KCNMA1: variants seen among roughly 807,000 people sequenced by gnomAD.
KCNMA1 encodes the protein Calcium-activated potassium channel subunit alpha-1.
Under a neutral mutation model 140.0 loss-of-function variants are expected in KCNMA1, and 29 were observed. The observed-to-expected ratio is 0.21, with a 90% CI of 0.15 to 0.28. KCNMA1 has a LOEUF of 0.28. Among genes scored for constraint, KCNMA1 ranks in the 10% least tolerant of loss-of-function variants. The probability of loss-of-function intolerance (pLI) is 1.00; values close to 1 mark genes in which losing one functional copy is unlikely to be tolerated. For missense variants in KCNMA1, 880 were observed against 1,602.2 expected, an observed-to-expected ratio of 0.55 and a Z score of 7.70; for synonymous variants, 612 against 611.9, an observed-to-expected ratio of 1.00 and a Z score of 0.00.
intron 2 of KCNMA1, chr10:77,355,253 C>T: frequency 6.3e-6 from 1 of 158,682 alleles, no homozygotes; most frequent in Non-Finnish European, 1.4e-5. Context: ...ACCTCTTTTT[C>T]TTCACAGTCT....
At chr10:76,940,041 G>C (rs1268911501) in intron 23 of KCNMA1, among the ~76,000 whole-genome samples, 4 of 152,242 alleles carry the variant, frequency 2.6e-5, no homozygotes, top group Non-Finnish European at 5.9e-5. Flanking sequence ...GCTGTAAAGT[G>C]GTTCTGAGCT....
chr10:77,034,828 T>C lies in KCNMA1; in HGVS notation c.1859+4700A>G, dbSNP rs76955895. On this transcript the variant is annotated intron_variant, in intron 15 of 27. Transcript: ENST00000286628. ...CATATTTTAAATACATCTTTTGTCCTAATCCCCTCTGAGCTGTAAAACCTG... is the reference window on the plus strand; with the variant it reads ...CATATTTTAAATACATCTTTTGTCCCAATCCCCTCTGAGCTGTAAAACCTG... 5.3e-3 allele frequency among the ~76,000 whole-genome samples: 803 copies of C among 152,356 alleles called. 7 individuals are homozygous for C. Among genetic ancestry groups the C allele is most frequent in the African/African-American group, 0.019 (771 of 41,582 alleles).
At chr10:77,399,565 G>A (rs1269032443) in intron 2 of KCNMA1, among the ~76,000 whole-genome samples, 2 of 152,184 alleles carry the variant, frequency 1.3e-5, no homozygotes, top group Non-Finnish European at 2.9e-5. Context: ...TTGGCCAGTT[G>A]AGCCTGAGTG....
intron 5 of KCNMA1, among the ~76,000 whole-genome samples, chr10:77,149,256 G>A (rs1283929436): frequency 6.6e-6 from 1 of 152,176 alleles, no homozygotes; most frequent in African/African-American, 2.4e-5. Flanking sequence ...AGAATGGATT[G>A]TCATCCCCTT....
At chr10:77,133,692 T>C (rs755184154) in intron 5 of KCNMA1, among the ~76,000 whole-genome samples, 45 of 152,232 alleles carry the variant, frequency 3.0e-4, no homozygotes, top group African/African-American at 7.2e-4. Context: ...TGCACAAATA[T>C]AGGACATTTA....
intron 5 of KCNMA1, among the ~76,000 whole-genome samples, chr10:77,159,625 G>T (rs1026612264): frequency 6.6e-6 from 1 of 152,040 alleles, no homozygotes; most frequent in African/African-American, 2.4e-5. Flanking sequence ...TCAGGCCTTT[G>T]TTCATTTGCA....
At chr10:77,398,525 T>G (rs2096148006) in intron 2 of KCNMA1, among the ~76,000 whole-genome samples, 1 of 152,260 alleles carries the variant, frequency 6.6e-6, no homozygotes, top group Non-Finnish European at 1.5e-5. Context: ...TCATATCTTT[T>G]GCCCACTTTT....
intron 1 of KCNMA1, among the ~76,000 whole-genome samples, chr10:77,519,978 G>A (rs1394266305): frequency 1.3e-5 from 2 of 150,922 alleles, no homozygotes; most frequent in Admixed American, 6.6e-5. Flanking sequence ...TGCAGTGTGA[G>A]GGTGTGCAGT....
intron 2 of KCNMA1, among the ~76,000 whole-genome samples, chr10:77,299,985 T>C (rs952157880): frequency 6.6e-6 from 1 of 152,184 alleles, no homozygotes; most frequent in African/African-American, 2.4e-5. Flanking sequence ...TTCAGCCCAG[T>C]CAGTGTGGCT....
At chr10:77,001,226 G>A (rs1371212797) in intron 19 of KCNMA1, among the ~76,000 whole-genome samples, 181 bp downstream of exon 19, 1 of 152,016 alleles carries the variant, frequency 6.6e-6, no homozygotes, top group Non-Finnish European at 1.5e-5. Context: ...TCAGAAGGGA[G>A]GCCTTCCTAG....
chr10:77,015,286 A>G (rs923726467), intron 17 of KCNMA1, among the ~76,000 whole-genome samples: 3 of 151,982 alleles, frequency 2.0e-5, no homozygotes, highest in Non-Finnish European at 4.4e-5. Context: ...GCCCTCCTGT[A>G]CAGGTCTATG....
chr10:77,584,491 A>G (rs546833563), intron 1 of KCNMA1, among the ~76,000 whole-genome samples: 1 of 152,124 alleles, frequency 6.6e-6, no homozygotes, highest in Non-Finnish European at 1.5e-5. Context: ...AGTAGCTGGG[A>G]CTACAGGTGC....
chr10:76,909,466 C>CA (rs2049178514), intron 25 of KCNMA1, among the ~76,000 whole-genome samples: 1 of 152,158 alleles, frequency 6.6e-6, no homozygotes, highest in South Asian at 2.1e-4. Flanking sequence ...AAGTCCAAAA[C>CA]CATGAAAATG....
chr10:77,247,294 C>T (rs1207258079), intron 3 of KCNMA1, among the ~76,000 whole-genome samples: 1 of 152,178 alleles, frequency 6.6e-6, no homozygotes, highest in Non-Finnish European at 1.5e-5. Context: ...CCAACTTTCT[C>T]TTGAAATTCT....
chr10:77,421,110 G>C (rs2096857436), intron 1 of KCNMA1, among the ~76,000 whole-genome samples: 1 of 152,170 alleles, frequency 6.6e-6, no homozygotes. Flanking sequence ...AAATACTCTT[G>C]GCCTCACCTC....
At chr10:77,251,548 G>A (rs1217319599) in intron 2 of KCNMA1, among the ~76,000 whole-genome samples, 1 of 152,078 alleles carries the variant, frequency 6.6e-6, no homozygotes, top group Non-Finnish European at 1.5e-5. Context: ...CTCTGCAATT[G>A]TAGTTGATAA....
In KCNMA1 at chr10:77,179,308, A is replaced by G. The variant is rs114296816; in HGVS notation, c.808+4113T>C. ...CTGAGCTTTAATCTACTCTGCGCCAATATCCGGGGTGTTCTTAAGCCCCAG... is the reference window on the plus strand; with the variant it reads ...CTGAGCTTTAATCTACTCTGCGCCAGTATCCGGGGTGTTCTTAAGCCCCAG... On this transcript the variant is annotated intron_variant, in intron 5 of 27. Transcript: ENST00000286628. Among the ~76,000 whole-genome samples the G allele has an allele frequency of 1.3e-3, 203 of 152,252 alleles. 1 individual carries two copies. The highest frequency in any genetic ancestry group is 4.4e-3 in the African/African-American group (182 of 41,558).
At position 76,885,514 on chromosome 10, in the gene KCNMA1, A is replaced by G. The variant is rs2036497636; in HGVS notation, c.*1752T>C. Reference sequence around the variant, plus strand: ...CAGCAAGCAAATATCCAAAACTATCATGCTTGAGGGGACGGGGGATCCAAA... The same window carrying G: ...CAGCAAGCAAATATCCAAAACTATCGTGCTTGAGGGGACGGGGGATCCAAA... On this transcript the variant is annotated 3_prime_UTR_variant, in exon 28 of 28. Transcript: ENST00000286628. 2 of 985,296 alleles carry G rather than the reference A, an allele frequency of 2.0e-6. No individual in the cohort carries two copies. The highest frequency in any genetic ancestry group is 2.4e-6 in the Non-Finnish European group (2 of 829,910). The allele number at this position is 985,296 out of a possible 1,614,324, so 61.0% of individuals were successfully genotyped here. A position where few individuals can be genotyped will look rare whatever the true frequency, so the allele number is the denominator to read the frequency against.
intron 5 of KCNMA1, among the ~76,000 whole-genome samples, chr10:77,135,869 G>A (rs2098008139): frequency 6.6e-6 from 1 of 152,110 alleles, no homozygotes. Flanking sequence ...TTAAATAAGA[G>A]AAATAAGTTT....
Sources: gnomAD v4.1 joint callset for allele counts (sites outside exome capture counted in the v4.1 genomes callset) on GRCh38, gnomAD v4.1.1 for gene constraint, MANE v1.5 for transcripts, NCBI Gene and HGNC (gene_info 2026-07-23, HGNC 2026-07-21) for gene names.